GPHN: variants seen among roughly 807,000 people sequenced by gnomAD.
The protein encoded by GPHN is gephyrin.
A neutral mutation model predicts 95.5 loss-of-function variants in GPHN; 17 were observed. The observed-to-expected ratio is 0.18, with a 90% CI of 0.12 to 0.27. The LOEUF is 0.27. Ranked by LOEUF, GPHN falls within the 10% of genes least tolerant of loss-of-function variation. The pLI is 1.00. For missense variants in GPHN, 660 were observed against 978.1 expected, an observed-to-expected ratio of 0.67 and a Z score of 4.34; for synonymous variants, 320 against 322.5, an observed-to-expected ratio of 0.99 and a Z score of 0.08.
the GPHN span, among the ~76,000 whole-genome samples, chr14:67,512,112 C>T: frequency 2.0e-5 from 3 of 152,156 alleles, no homozygotes; most frequent in Non-Finnish European, 2.9e-5. Flanking sequence ...TGGATCTACT[C>T]GGGTACTTGA....
Position 66,831,501 on chromosome 14 carries a change from C to T in GPHN, c.294+6935C>T, listed in dbSNP as rs141904602. On this transcript the variant is annotated intron_variant, in intron 4 of 22. Transcript: ENST00000478722. ...TTTGATGGCATTTTAAGGAGCTCAT[C>T]CTAATTTTATGAAATAGTTCCCATG... Among the ~76,000 whole-genome samples, 320 of 152,234 alleles carry T rather than the reference C, an allele frequency of 2.1e-3. 1 individual carries two copies. Among genetic ancestry groups the T allele is most frequent in the African/African-American group, 7.2e-3 (301 of 41,554 alleles).
chr14:67,569,485 T>TAGGAGGGAAAGGGAAGTCGTACAGGTTCA, the GPHN span, among the ~76,000 whole-genome samples: 1 of 152,150 alleles, frequency 6.6e-6, no homozygotes, highest in Non-Finnish European at 1.5e-5. Flanking sequence ...GCCTCCCACC[T>TAGGAGGGAAAGGGAAGTCGTACAGGTTCA]GCACAGGCTT....
the GPHN span, among the ~76,000 whole-genome samples, chr14:67,474,503 C>T: frequency 1.3e-5 from 2 of 152,190 alleles, no homozygotes; most frequent in East Asian, 3.8e-4. Context: ...CACTTCTTCT[C>T]AAACAGTTCC....
chr14:67,108,042 G>C (rs2078147596), intron 13 of GPHN, among the ~76,000 whole-genome samples: 1 of 152,194 alleles, frequency 6.6e-6, no homozygotes, highest in African/African-American at 2.4e-5. Flanking sequence ...GATGATTAAA[G>C]AAGATTAGAA....
At chr14:66,525,945 C>T (rs2058673677) in intron 1 of GPHN, among the ~76,000 whole-genome samples, 1 of 150,586 alleles carries the variant, frequency 6.6e-6, no homozygotes, top group Non-Finnish European at 1.5e-5. Context: ...GTTCTTTTTG[C>T]TTAGGATTGT....
At chr14:67,496,467 G>A in the GPHN span, among the ~76,000 whole-genome samples, 510 of 133,774 alleles carry the variant, frequency 3.8e-3, 2 homozygotes, top group Admixed American at 7.5e-3. Flanking sequence ...GCAGAGGCAC[G>A]ATCTCTGCTC....
the GPHN span, among the ~76,000 whole-genome samples, chr14:67,439,569 C>CTTTATTTT: frequency 1.4e-5 from 2 of 138,708 alleles, no homozygotes; most frequent in African/African-American, 6.3e-5. Flanking sequence ...TTCTTTCTTT[C>CTTTATTTT]TTTCTTTCTT....
intron 21 of GPHN, among the ~76,000 whole-genome samples, chr14:67,179,165 G>A (rs915764385): frequency 2.6e-5 from 4 of 152,014 alleles, no homozygotes; most frequent in Non-Finnish European, 5.9e-5. Context: ...TGGCAGGATC[G>A]CTTGAGCCCA....
chr14:67,364,741 AC>A, the GPHN span: 1 of 1,598,076 alleles, frequency 6.3e-7, no homozygotes, highest in Non-Finnish European at 8.5e-7. Flanking sequence ...CTGAATACTT[AC>A]TTAATTCTTT....
At chr14:67,587,591 C>T in the GPHN span, 1 of 281,984 alleles carries the variant, frequency 3.5e-6, no homozygotes, top group Non-Finnish European at 6.9e-6. Flanking sequence ...AGCTAATTTT[C>T]TTTCTGGGGG....
intron 10 of GPHN, among the ~76,000 whole-genome samples, chr14:67,028,805 A>G (rs746988283): frequency 2.6e-5 from 4 of 152,116 alleles, no homozygotes; most frequent in Non-Finnish European, 5.9e-5. Flanking sequence ...ATTTTCTTCC[A>G]TGTTGCAGGT....
chr14:67,677,971 A>T, the GPHN span: 1 of 165,676 alleles, frequency 6.0e-6, no homozygotes, highest in Non-Finnish European at 1.3e-5. Flanking sequence ...GTGAACAAAG[A>T]AGCTAGTTCA....
chr14:67,725,067 A>G, the GPHN span: 1 of 1,613,580 alleles, frequency 6.2e-7, no homozygotes, highest in Non-Finnish European at 8.5e-7. Flanking sequence ...CTAGGATATG[A>G]ACATACTGCT....
intron 11 of GPHN, among the ~76,000 whole-genome samples, chr14:67,071,629 TAATAATAAAA>T (rs1311628591): frequency 6.6e-6 from 1 of 151,920 alleles, no homozygotes; most frequent in Non-Finnish European, 1.5e-5. Flanking sequence ...ACTTAAAGTA[TAATAATAAAA>T]AATTTAAATT....
intron 10 of GPHN, among the ~76,000 whole-genome samples, chr14:67,049,151 C>T (rs1486427778): frequency 6.6e-6 from 1 of 152,070 alleles, no homozygotes; most frequent in Non-Finnish European, 1.5e-5. Context: ...TTCTGTTCTA[C>T]AGTCACAATC....
chr14:67,351,824 A>C, the GPHN span, among the ~76,000 whole-genome samples: 155 of 150,664 alleles, frequency 1.0e-3, no homozygotes, highest in African/African-American at 3.7e-3. Context: ...CCTAGTATTA[A>C]CTTTTTTTTT....
the GPHN span, among the ~76,000 whole-genome samples, chr14:67,193,591 A>T: frequency 6.9e-6 from 1 of 145,312 alleles, no homozygotes; most frequent in Non-Finnish European, 1.5e-5. Flanking sequence ...ATAGATATAG[A>T]TATATATCTA....
At chr14:67,436,410 A>G in the GPHN span, among the ~76,000 whole-genome samples, 2 of 152,140 alleles carry the variant, frequency 1.3e-5, no homozygotes, top group African/African-American at 4.8e-5. Flanking sequence ...AAACTAGCAC[A>G]TCTGTTCCCT....
chr14:66,603,049 C>T (rs1408221580), intron 1 of GPHN, among the ~76,000 whole-genome samples: 1 of 151,754 alleles, frequency 6.6e-6, no homozygotes, highest in Non-Finnish European at 1.5e-5. Context: ...ATAGGTGTCA[C>T]TGAGAATGTA....
Sources: allele counts gnomAD v4.1 joint callset (sites outside exome capture counted in the v4.1 genomes callset), GRCh38; gene constraint gnomAD v4.1.1; transcripts MANE v1.5; gene names NCBI Gene and HGNC (gene_info 2026-07-23, HGNC 2026-07-21).